Variants in JAKMIP1 observed in about 807,000 individuals in gnomAD.
The protein encoded by JAKMIP1 is janus kinase and microtubule interacting protein 1.
Under a neutral mutation model 113.0 loss-of-function variants are expected in JAKMIP1, and 33 were observed. The ratio of observed to expected loss-of-function variants is 0.29; its 90% CI spans 0.22 to 0.39. The LOEUF is 0.39. JAKMIP1 is among the 10% of genes least tolerant of loss of function. The pLI is 1.00. For missense variants in JAKMIP1, 813 were observed against 1,080.5 expected, an observed-to-expected ratio of 0.75 and a Z score of 3.47; for synonymous variants, 480 against 459.9, an observed-to-expected ratio of 1.04 and a Z score of -0.56.
chr4:6,063,545 C>G (rs376003177), intron 9 of JAKMIP1, among the ~76,000 whole-genome samples: 3 of 152,100 alleles, frequency 2.0e-5, no homozygotes, highest in Non-Finnish European at 4.4e-5. Context: ...GGTGGGCTGA[C>G]GGGGAGGATG....
intron 19 of JAKMIP1, among the ~76,000 whole-genome samples, chr4:6,035,307 C>T (rs780105982): frequency 4.6e-5 from 7 of 152,124 alleles, no homozygotes; most frequent in Non-Finnish European, 1.0e-4. Context: ...CCCATAGGGT[C>T]CATGAGATAA....
In JAKMIP1 at chr4:6,101,084, G is replaced by T. The variant is rs1225427949; in HGVS notation, c.624+4389C>A. Among the ~76,000 whole-genome samples the T allele has an allele frequency of 2.0e-5, 3 of 152,210 alleles. No individual in the cohort carries two copies. In the East Asian group the frequency reaches 5.8e-4, roughly 29 times the overall value. ...AACCCTCTCTGAATAGTATATTTAT[G>T]TAAATAGTGTACTGTGTCCTGCTTA... On this transcript the variant is annotated intron_variant, in intron 3 of 20. Coordinates refer to ENST00000409021, the MANE Select transcript of JAKMIP1 (RefSeq NM_001099433.2).
In JAKMIP1 at chr4:6,163,461, C is replaced by G. The variant is rs140728484; in HGVS notation, c.-148+36792G>C. On this transcript the variant is annotated intron_variant, in intron 1 of 20. Coordinates refer to ENST00000409021, the MANE Select transcript of JAKMIP1 (RefSeq NM_001099433.2). ...ATAAATCCTGGGTATATGCTGACCA[C>G]TCCACTGACCAGCCATTCTCCCATC... Among the ~76,000 whole-genome samples, 541 of 152,338 alleles carry G rather than the reference C, an allele frequency of 3.6e-3. 3 individuals carry two copies. Among genetic ancestry groups the G allele is most frequent in the African/African-American group, 0.012 (517 of 41,584 alleles).
rs767379792 is a variant in JAKMIP1 at position 6,197,973 on chromosome 4, C to T, written c.-148+2280G>A. Among the ~76,000 whole-genome samples the T allele has an allele frequency of 7.2e-5, 11 of 152,162 alleles. No individual in the cohort carries two copies. The highest frequency in any genetic ancestry group is 9.7e-5 in the African/African-American group (4 of 41,450). On this transcript the variant is annotated intron_variant, in intron 1 of 20. Transcript: ENST00000409021. This position sits in a 1 kb window ranked among gnomAD's most constrained non-coding sequence, Gnocchi z 6.5. ...CCTCGTGCAGCCTTCCTGGCCGGGC[C>T]GCCTGTCCCCATCTCTCCCTGCACA...
In JAKMIP1 at chr4:6,139,055, AACACACAC is replaced by A. The variant is rs71984154; in HGVS notation, c.-147-26066_-147-26059del. Among the ~76,000 whole-genome samples, 212 of 103,490 alleles carry A rather than the reference AACACACAC, an allele frequency of 2.0e-3. No individual in the cohort carries two copies. The highest frequency in any genetic ancestry group is 5.9e-3 in the African/African-American group (203 of 34,578). The allele number at this position is 103,490 out of a possible 152,430, so 67.9% of individuals were successfully genotyped here. A position where few individuals can be genotyped will look rare whatever the true frequency, so the allele number is the denominator to read the frequency against. Reference sequence around the variant, plus strand: ...ATTGTTTGCATGTGACATCATTAGAAACACACACACACACACACACACACACACATATA... The same window carrying A: ...ATTGTTTGCATGTGACATCATTAGAAACACACACACACACACACACATATA... On this transcript the variant is annotated intron_variant, in intron 1 of 20. Coordinates refer to ENST00000409021, the MANE Select transcript of JAKMIP1 (RefSeq NM_001099433.2). This position sits in a 1 kb window ranked among gnomAD's most constrained non-coding sequence, Gnocchi z 5.2.
At position 6,162,179 on chromosome 4, in the gene JAKMIP1, G is replaced by T. The variant is rs76161603; in HGVS notation, c.-148+38074C>A. Among the ~76,000 whole-genome samples, 2,120 of 152,242 alleles carry T rather than the reference G, an allele frequency of 0.014. 46 individuals are homozygous for T. Among genetic ancestry groups the T allele is most frequent in the African/African-American group, 0.049 (2,026 of 41,528 alleles). ...AGGTCACCAAGGGGCTGTGAGCTTG[G>T]ACCTCGTCCCACTAGAGGGCAGTGG... On this transcript the variant is annotated intron_variant, in intron 1 of 20. Coordinates refer to ENST00000409021, the MANE Select transcript of JAKMIP1 (RefSeq NM_001099433.2). The surrounding 1 kb of genome is among the most constrained non-coding windows in gnomAD (Gnocchi z 5.6).
intron 1 of JAKMIP1, among the ~76,000 whole-genome samples, chr4:6,173,736 C>T (rs1278044662): frequency 3.3e-5 from 5 of 152,156 alleles, no homozygotes; most frequent in Non-Finnish European, 5.9e-5. Flanking sequence ...CGACATCTCA[C>T]CCTAAATGTT....
At position 6,108,311 on chromosome 4, in the gene JAKMIP1, A is replaced by C. The variant is rs1714309906; in HGVS notation, c.130-2344T>G. On this transcript the variant is annotated intron_variant, in intron 2 of 20. Coordinates refer to ENST00000409021, the MANE Select transcript of JAKMIP1 (RefSeq NM_001099433.2). The surrounding 1 kb of genome is among the most constrained non-coding windows in gnomAD (Gnocchi z 5.6). ...ACCACTCCATCCAGCTGAGCAGGCC[A>C]AAAAAAGCCGCCCAGCACTTTACCT... Among the ~76,000 whole-genome samples the C allele has an allele frequency of 6.6e-6, 1 of 152,086 alleles. No individual in the cohort carries two copies. The highest frequency in any genetic ancestry group is 2.4e-5 in the African/African-American group (1 of 41,412).
At chr4:6,119,842 C>G (rs1214475505) in intron 1 of JAKMIP1, among the ~76,000 whole-genome samples, 1 of 152,170 alleles carries the variant, frequency 6.6e-6, no homozygotes, top group Non-Finnish European at 1.5e-5. Flanking sequence ...AGTGAGTTGC[C>G]CAAGATTGTT....
In JAKMIP1 at chr4:6,084,834, G is replaced by C; in HGVS notation, c.954+12C>G. On this transcript the variant is annotated intron_variant, in intron 5 of 20. Transcript: ENST00000409021. ...CCCTATGAGGCACCGCCTGTCTCTTGGGGCTACTTACCAGTTCATTCCTCT... is the reference window on the plus strand; with the variant it reads ...CCCTATGAGGCACCGCCTGTCTCTTCGGGCTACTTACCAGTTCATTCCTCT... 6.2e-7 allele frequency: 1 copy of C among 1,608,806 alleles called. No individual in the cohort carries two copies. Among genetic ancestry groups the C allele is most frequent in the Non-Finnish European group, 8.5e-7 (1 of 1,178,350 alleles).
intron 20 of JAKMIP1, among the ~76,000 whole-genome samples, chr4:6,027,553 G>A (rs113702222): frequency 6.6e-6 from 1 of 152,176 alleles, no homozygotes; most frequent in Non-Finnish European, 1.5e-5. Flanking sequence ...CCCGATGCCT[G>A]TAAGGAAATG....
chr4:6,057,642 G>A (rs906067033), intron 11 of JAKMIP1, among the ~76,000 whole-genome samples: 8 of 152,194 alleles, frequency 5.3e-5, no homozygotes, highest in African/African-American at 1.7e-4. Context: ...TTTTGTCTGT[G>A]GCATATTGTG....
intron 8 of JAKMIP1, chr4:6,070,336 G>A: frequency 2.6e-6 from 1 of 383,820 alleles, no homozygotes; most frequent in African/African-American, 2.1e-5. Context: ...GGCTTCCTGT[G>A]GACCCGTCTG....
chr4:6,111,726 A>T (rs1714965332), intron 2 of JAKMIP1, among the ~76,000 whole-genome samples: 1 of 152,212 alleles, frequency 6.6e-6, no homozygotes, highest in Non-Finnish European at 1.5e-5. Flanking sequence ...TTAGACTGCC[A>T]GCACCCAACC....
intron 13 of JAKMIP1, among the ~76,000 whole-genome samples, chr4:6,052,111 C>T (rs2108769211): frequency 6.6e-6 from 1 of 151,964 alleles, no homozygotes; most frequent in Non-Finnish European, 1.5e-5. Flanking sequence ...GAGGGCTGGG[C>T]ACTAATTCAA....
rs1715625124 is a variant in JAKMIP1, at chr4:6,051,242, G to A, written c.1807-563C>T. On this transcript the variant is annotated intron_variant, in intron 13 of 20. Transcript: ENST00000409021. The surrounding 1 kb of genome is among the most constrained non-coding windows in gnomAD (Gnocchi z 5.0). ...TCTTTCCTTTTTTTTTTTTTTTTGA[G>A]AGGGTGTTCTGTTCTTGTCGCCCAG... Among the ~76,000 whole-genome samples the A allele has an allele frequency of 7.1e-6, 1 of 140,918 alleles. No homozygotes were observed. The highest frequency in any genetic ancestry group is 1.5e-5 in the Non-Finnish European group (1 of 65,466). 92.4% of individuals were successfully genotyped at this position (140,918 alleles called of 152,430 possible).
At position 6,105,856 on chromosome 4, in the gene JAKMIP1, T is replaced by A. The variant is rs1055196546; in HGVS notation, c.241A>T (p.Thr81Ser). 3.1e-6 allele frequency: 5 copies of A among 1,612,064 alleles called. No homozygotes were observed. The highest frequency in any genetic ancestry group is 4.2e-6 in the Non-Finnish European group (5 of 1,179,856). ...ELKAKLHEEK[T>S]KELQALREGL... ...TCGCGCAGCGCCTGCAGCTCCTTGGTCTTCTCCTCATGCAGCTTGGCCTTG... is the reference window on the plus strand; with the variant it reads ...TCGCGCAGCGCCTGCAGCTCCTTGGACTTCTCCTCATGCAGCTTGGCCTTG... The change falls in exon 3 of 21, where the codon ACC becomes TCC. Residue 81 changes from threonine (T) to serine (S), a missense_variant. Coordinates refer to ENST00000409021, the MANE Select transcript of JAKMIP1 (RefSeq NM_001099433.2).
At chr4:6,170,315 TCCA>T (rs1252111183) in intron 1 of JAKMIP1, among the ~76,000 whole-genome samples, 20 of 68,448 alleles carry the variant, frequency 2.9e-4, no homozygotes, top group East Asian at 1.6e-3. Context: ...CATAACCCTC[TCCA>T]CCATCACCAC....
In JAKMIP1 at chr4:6,128,644, G is replaced by A. The variant is rs118035507; in HGVS notation, c.-147-15647C>T. 1.3e-4 allele frequency among the ~76,000 whole-genome samples: 20 copies of A among 152,240 alleles called. No homozygotes were observed. In the East Asian group the frequency reaches 1.5e-3, roughly 12 times the overall value. On this transcript the variant is annotated intron_variant, in intron 1 of 20. Transcript: ENST00000409021. ...AACACGGGAGCCACGTGCCTCCTCC[G>A]TCCATTCCCTCCGGGGCTCGCTCCC...
Sources: gnomAD v4.1 joint callset for allele counts (sites outside exome capture counted in the v4.1 genomes callset) on GRCh38, gnomAD v4.1.1 for gene constraint, Gnocchi (gnomAD v3.1) non-coding constraint, MANE v1.5 for transcripts, NCBI Gene and HGNC (gene_info 2026-07-23, HGNC 2026-07-21) for gene names.